YPEL2: variants seen among roughly 807,000 people sequenced by gnomAD.
YPEL2 encodes yippee like 2.
A neutral mutation model predicts 19.1 loss-of-function variants in YPEL2; 2 were observed. The observed-to-expected ratio is 0.10, with a 90% confidence interval of 0.04 to 0.33. YPEL2 has a LOEUF of 0.33. YPEL2 is among the 10% of genes least tolerant of loss of function. The probability of loss-of-function intolerance (pLI) is 1.00; values close to 1 mark genes in which losing one functional copy is unlikely to be tolerated. For synonymous variants in YPEL2, 52 were observed against 50.0 expected (o/e 1.04, Z -0.17); for missense variants, 66 against 140.7 (o/e 0.47, Z 2.68).
At chr17:59,394,411 G>A (rs1236538544) in intron 4 of YPEL2, among the ~76,000 whole-genome samples, 1 of 149,606 alleles carries the variant, frequency 6.7e-6, no homozygotes, top group Non-Finnish European at 1.5e-5. Flanking sequence ...CATCTCAGAC[G>A]ATGGGCGGCC....
chr17:59,340,427 T>C (rs551463275), intron 1 of YPEL2, among the ~76,000 whole-genome samples: 20 of 149,934 alleles, frequency 1.3e-4, no homozygotes, highest in African/African-American at 4.9e-4. Flanking sequence ...ATTTATTTTT[T>C]TTTTTTGAGA....
chr17:59,341,284 C>T (rs1478766166), intron 1 of YPEL2, among the ~76,000 whole-genome samples: 6 of 151,692 alleles, frequency 4.0e-5, no homozygotes, highest in African/African-American at 7.3e-5. Flanking sequence ...CCCAGCTACT[C>T]GGGAGGCTGA....
At chr17:59,358,486 C>CGGTACTGCCCCAT (rs1372290791) in intron 2 of YPEL2, among the ~76,000 whole-genome samples, 4 of 151,850 alleles carry the variant, frequency 2.6e-5, no homozygotes, top group African/African-American at 9.7e-5. Flanking sequence ...CATGCAGTGG[C>CGGTACTGCCCCAT]GTAGGGGCAG....
intron 2 of YPEL2, among the ~76,000 whole-genome samples, chr17:59,376,615 GT>G (rs1484718421): frequency 6.6e-6 from 1 of 152,128 alleles, no homozygotes; most frequent in Admixed American, 6.5e-5. Flanking sequence ...GGTTTTCGTT[GT>G]TTTTTGTTGA....
chr17:59,332,388 C>A (rs1040961332), intron 1 of YPEL2, among the ~76,000 whole-genome samples: 1 of 152,186 alleles, frequency 6.6e-6, no homozygotes, highest in Non-Finnish European at 1.5e-5. Context: ...TCGAGGTAAC[C>A]GCAGCCGAGT....
rs139352216 is a variant in YPEL2 at position 59,374,104 on chromosome 17, C to A, written c.118-14223C>A. Among the ~76,000 whole-genome samples the A allele has an allele frequency of 3.3e-5, 5 of 152,244 alleles. No individual in the cohort carries two copies. In the East Asian group the frequency reaches 5.8e-4, roughly 18 times the overall value. On this transcript the variant is annotated intron_variant, in intron 2 of 4. Coordinates refer to ENST00000312655, the MANE Select transcript of YPEL2 (RefSeq NM_001005404.4). ...CCTTCATTTCACAGATGATGCAATCCCAGTTCAGAGTATCGGGGTTCTAGC... is the reference window on the plus strand; with the variant it reads ...CCTTCATTTCACAGATGATGCAATCACAGTTCAGAGTATCGGGGTTCTAGC...
chr17:59,376,933 G>A (rs942718066), intron 2 of YPEL2, among the ~76,000 whole-genome samples: 1 of 96,126 alleles, frequency 1.0e-5, no homozygotes, highest in Admixed American at 1.7e-4. Context: ...TGAGTGACAA[G>A]AGCAACACAC....
chr17:59,383,112 T>C (rs1250561301), intron 2 of YPEL2, among the ~76,000 whole-genome samples: 2 of 152,196 alleles, frequency 1.3e-5, no homozygotes, highest in African/African-American at 2.4e-5. Context: ...TGTATAGATA[T>C]AGGAATTGAG....
At chr17:59,341,371 T>G (rs1006397618) in intron 1 of YPEL2, among the ~76,000 whole-genome samples, 3 of 139,230 alleles carry the variant, frequency 2.2e-5, no homozygotes, top group Non-Finnish European at 4.6e-5. Context: ...CAGCCTGGGC[T>G]ACAGAGCGAG....
At chr17:59,341,346 C>G (rs550526845) in intron 1 of YPEL2, among the ~76,000 whole-genome samples, 1 of 142,352 alleles carries the variant, frequency 7.0e-6, no homozygotes, top group East Asian at 2.2e-4. Flanking sequence ...GAGCGGAGAT[C>G]GCACCACTGC....
At chr17:59,386,915 G>A (rs2047982917) in intron 2 of YPEL2, among the ~76,000 whole-genome samples, 1 of 152,162 alleles carries the variant, frequency 6.6e-6, no homozygotes, top group Non-Finnish European at 1.5e-5. Flanking sequence ...GTATTTGAAT[G>A]TTGGAGGCAA....
At chr17:59,341,851 C>G (rs1373720769) in intron 1 of YPEL2, among the ~76,000 whole-genome samples, 1 of 152,126 alleles carries the variant, frequency 6.6e-6, no homozygotes, top group Non-Finnish European at 1.5e-5. Flanking sequence ...TAGAGTGAGT[C>G]TCCTCCCTTT....
At chr17:59,372,925 G>GT (rs1266027956) in intron 2 of YPEL2, among the ~76,000 whole-genome samples, 5 of 152,346 alleles carry the variant, frequency 3.3e-5, no homozygotes, top group Admixed American at 3.3e-4. Context: ...CCAGTCTGGA[G>GT]TGCAATGGCA....
chr17:59,339,381 G>T (rs1007015758), intron 1 of YPEL2, among the ~76,000 whole-genome samples: 3 of 152,184 alleles, frequency 2.0e-5, no homozygotes, highest in African/African-American at 7.2e-5. Context: ...TTAAAGCTAA[G>T]TGCTTCATTA....
chr17:59,356,903 C>T (rs2047815661), intron 2 of YPEL2, among the ~76,000 whole-genome samples: 2 of 152,200 alleles, frequency 1.3e-5, no homozygotes, highest in South Asian at 4.1e-4. Context: ...ACCTAATCAC[C>T]TCCCAAAGGC....
chr17:59,366,661 A>G (rs928425747), intron 2 of YPEL2, among the ~76,000 whole-genome samples: 4 of 152,164 alleles, frequency 2.6e-5, no homozygotes, highest in African/African-American at 9.7e-5. Flanking sequence ...ACCTTCTGAA[A>G]GCTGCCAGCT....
intron 1 of YPEL2, among the ~76,000 whole-genome samples, chr17:59,345,699 G>A (rs1432975067): frequency 6.6e-6 from 1 of 152,106 alleles, no homozygotes; most frequent in Non-Finnish European, 1.5e-5. Flanking sequence ...CCTGGGGGAC[G>A]GGAACGCCAT....
At chr17:59,346,272 C>T (rs191470219) in intron 1 of YPEL2, among the ~76,000 whole-genome samples, 2 of 152,320 alleles carry the variant, frequency 1.3e-5, no homozygotes, top group Non-Finnish European at 2.9e-5. Context: ...CACGTTCCTA[C>T]CCTCCCGTCC....
rs530704769 is a variant in YPEL2 at position 59,340,523 on chromosome 17, C to T, written c.-196+8699C>T. Among the ~76,000 whole-genome samples, 155 of 151,246 alleles carry T rather than the reference C, an allele frequency of 1.0e-3. 1 individual carries two copies. Among genetic ancestry groups the T allele is most frequent in the African/African-American group, 3.7e-3 (152 of 41,168 alleles). On this transcript the variant is annotated intron_variant, in intron 1 of 4. Transcript: ENST00000312655. ...CTCCGCCCTCCAGGTTCACGCCATT[C>T]TCCTGCCTCAGCCTCCCAAGTAGCT...
Sources: gnomAD v4.1 joint callset for allele counts (sites outside exome capture counted in the v4.1 genomes callset) on GRCh38, gnomAD v4.1.1 for gene constraint, MANE v1.5 for transcripts, NCBI Gene and HGNC (gene_info 2026-07-23, HGNC 2026-07-21) for gene names.